Variants in PES1 observed in about 807,000 individuals in gnomAD.
The protein encoded by PES1 is pescadillo ribosomal biogenesis factor 1.
PES1 carries 31 observed loss-of-function variants against 77.1 expected under a neutral mutation model. The ratio of observed to expected loss-of-function variants is 0.40; its 90% CI spans 0.30 to 0.54. The LOEUF (loss-of-function observed/expected upper bound fraction) is 0.54, where lower values mean the gene tolerates loss of function less well. Among genes scored for constraint, PES1 ranks in the 20% least tolerant of loss-of-function variants. The pLI is 0.45. For synonymous variants in PES1, 282 were observed against 303.0 expected, an observed-to-expected ratio of 0.93 and a Z score of 0.72; for missense variants, 658 against 771.7, an observed-to-expected ratio of 0.85 and a Z score of 1.75.
chr22:30,594,383 GGT>G (rs2087225874), upstream of PES1, among the ~76,000 whole-genome samples: 2 of 151,952 alleles, frequency 1.3e-5, no homozygotes, highest in Non-Finnish European at 2.9e-5. Context: ...GTCTGGGCGT[GGT>G]GATGCACACC....
At position 30,584,618 on chromosome 22, in the gene PES1, C is replaced by G; in HGVS notation, c.468G>C (p.Gln156His). The G allele has an allele frequency of 6.2e-7, 1 of 1,613,836 alleles. No homozygotes were observed. Among genetic ancestry groups the G allele is most frequent in the Non-Finnish European group, 8.5e-7 (1 of 1,179,926 alleles). Reference sequence around the variant, plus strand: ...TGAGCCGGCGGCACAGCTGAATGGTCTGCACGTGGCACTTGCCAGTCCGCG... The same window carrying G: ...TGAGCCGGCGGCACAGCTGAATGGTGTGCACGTGGCACTTGCCAGTCCGCG... Reference protein sequence around the residue: ...TFPRTGKCHVQTIQLCRRLTV... With the variant: ...TFPRTGKCHVHTIQLCRRLTV... Residue 156 changes from glutamine (Q) to histidine (H), a missense_variant, in exon 5 of 15, where the codon CAG (glutamine) becomes CAC (histidine). Physicochemically the swap from Gln to His is conservative, Grantham distance 24 (BLOSUM62 0). Coordinates refer to ENST00000354694, the MANE Select transcript of PES1 (RefSeq NM_014303.4).
At chr22:30,602,468 C>T (rs1264378763) in intron 2 of PES1, among the ~76,000 whole-genome samples, 4 of 142,226 alleles carry the variant, frequency 2.8e-5, no homozygotes, top group East Asian at 2.0e-4. Context: ...GAGTTCCACC[C>T]GCCTTGGCCT....
intron 2 of PES1, among the ~76,000 whole-genome samples, chr22:30,602,945 C>T (rs932234220): frequency 2.0e-5 from 3 of 152,094 alleles, no homozygotes; most frequent in Admixed American, 6.6e-5. Flanking sequence ...GAGTCTCGCT[C>T]TGTTGTCCAG....
chr22:30,583,216 C>T (rs2087013516), intron 6 of PES1, among the ~76,000 whole-genome samples: 1 of 152,166 alleles, frequency 6.6e-6, no homozygotes, highest in Non-Finnish European at 1.5e-5. Flanking sequence ...GCCACCCACA[C>T]GTGCCCCAGG....
Position 30,577,066 on chromosome 22 carries a change from T to A in PES1, c.1747A>T (p.Lys583Ter). ...GGCACTCACTCCGGCCTTGCCTTCT[T>A]GGCCTTCTTCTCAGACCTCACCGCC... The part of the protein sequence containing the change: ...DEAVRSEKKA[K>*]KARPE The change falls in exon 15 of 15, where the codon AAG becomes TAG. Residue 583 changes from lysine to a stop codon, truncating the protein, a stop_gained. Coordinates refer to ENST00000354694, the MANE Select transcript of PES1 (RefSeq NM_014303.4). LOFTEE classifies it high-confidence loss of function. 6.2e-7 allele frequency: 1 copy of A among 1,614,008 alleles called. No individual in the cohort carries two copies. Among genetic ancestry groups the A allele is most frequent in the African/African-American group, 1.3e-5 (1 of 75,066 alleles).
upstream of PES1, chr22:30,591,999 C>T (rs978581023): frequency 1.1e-5 from 15 of 1,380,936 alleles, no homozygotes; most frequent in Non-Finnish European, 1.3e-5. Context: ...TGGGGATTTC[C>T]TCCTCAAGAT....
chr22:30,577,764 G>A (rs901090030), intron 14 of PES1, among the ~76,000 whole-genome samples: 1 of 152,024 alleles, frequency 6.6e-6, no homozygotes, highest in African/African-American at 2.4e-5. Context: ...CCAAAGTGCT[G>A]GGATTACAGG....
intron 6 of PES1, among the ~76,000 whole-genome samples, chr22:30,583,787 G>A (rs1473845915): frequency 3.3e-5 from 5 of 152,250 alleles, no homozygotes. Flanking sequence ...AACAATATAT[G>A]TAGGAAACAG....
rs1376504828 is a variant in PES1 at position 30,587,366 on chromosome 22, A to G, written c.288T>C (p.Tyr96=). The G allele has an allele frequency of 1.9e-6, 3 of 1,614,102 alleles. No individual in the cohort carries two copies. Among genetic ancestry groups the G allele is most frequent in the South Asian group, 1.1e-5 (1 of 91,080 alleles). ...CTACAGTGTTCCACTCGCTCTTCCCATAAGCCTTCCGGAGCTTCCGGACGA... is the reference window on the plus strand; with the variant it reads ...CTACAGTGTTCCACTCGCTCTTCCCGTAAGCCTTCCGGAGCTTCCGGACGA... ...KVFVRKLRKA[Y]GKSEWNTVER... The change falls in exon 4 of 15, where the codon TAT becomes TAC. Residue 96 remains tyrosine, a synonymous_variant. Transcript: ENST00000354694.
intron 2 of PES1, chr22:30,601,692 A>C (rs2087356426): frequency 6.6e-6 from 1 of 152,078 alleles, no homozygotes; most frequent in Non-Finnish European, 1.5e-5. Flanking sequence ...CATTGTATAG[A>C]TGTACCGCAA....
intron 2 of PES1, among the ~76,000 whole-genome samples, chr22:30,588,418 A>T (rs762809070): frequency 6.6e-6 from 1 of 152,192 alleles, no homozygotes; most frequent in Non-Finnish European, 1.5e-5. Flanking sequence ...AAAAGGAGAG[A>T]AGCATCCTAA....
chr22:30,577,191 G>T, intron 14 of PES1, 62 bp from the exon 15 acceptor site: 1 of 1,372,928 alleles, frequency 7.3e-7, no homozygotes, highest in Non-Finnish European at 1.0e-6. Flanking sequence ...GGGGGGCACA[G>T]AACTCAAAGC....
chr22:30,590,474 T>G (rs1200950190), intron 1 of PES1, among the ~76,000 whole-genome samples: 1 of 152,212 alleles, frequency 6.6e-6, no homozygotes, highest in Admixed American at 6.5e-5. Context: ...CCTTTAGACA[T>G]TAATTGTCTA....
rs549361615 is a variant in PES1, at chr22:30,590,673, G to C, written c.24+1137C>G. On this transcript the variant is annotated intron_variant, in intron 1 of 14. Transcript: ENST00000354694. ...TGGGGTACTCCCTGGGTATGTGCTG[G>C]GGGGAGGAGAGTTCAGCAATGTTTG... Among the ~76,000 whole-genome samples the C allele has an allele frequency of 1.2e-3, 186 of 152,214 alleles. 1 individual carries two copies. Among genetic ancestry groups the C allele is most frequent in the African/African-American group, 4.0e-3 (165 of 41,514 alleles).
chr22:30,591,840 A>G lies in PES1; in HGVS notation c.-7T>C, dbSNP rs1349812864. ...TCTTCTCAAGGCCTCCCATCGCTCC[A>G]CGTTGAGGAGCCGACTAGGGCCGCG... On this transcript the variant is annotated 5_prime_UTR_variant, in exon 1 of 15. Transcript: ENST00000354694. 1.3e-6 allele frequency: 2 copies of G among 1,554,290 alleles called. No homozygotes were observed. Among genetic ancestry groups the G allele is most frequent in the South Asian group, 1.2e-5 (1 of 84,486 alleles).
intron 1 of PES1, chr22:30,606,661 C>A (rs1467472142): frequency 1.3e-5 from 2 of 155,528 alleles, no homozygotes; most frequent in Non-Finnish European, 2.7e-5. Flanking sequence ...GGCACCCACC[C>A]TCCCCTCAAT....
chr22:30,588,713 G>A (rs1015690184), intron 2 of PES1, among the ~76,000 whole-genome samples: 2 of 152,170 alleles, frequency 1.3e-5, no homozygotes, highest in East Asian at 1.9e-4. Flanking sequence ...AACCTGGGAG[G>A]TGGAGGTTGC....
At chr22:30,577,195 T>C (rs2086914078) in intron 14 of PES1, 66 bp from the exon 15 acceptor site, 5 of 1,322,648 alleles carry the variant, frequency 3.8e-6, no homozygotes, top group Non-Finnish European at 5.5e-6. Context: ...GGCACAGAAC[T>C]CAAAGCTATA....
chr22:30,599,307 T>C (rs2087318392), intron 2 of PES1, among the ~76,000 whole-genome samples: 1 of 54,058 alleles, frequency 1.8e-5, no homozygotes, highest in Non-Finnish European at 4.0e-5. Flanking sequence ...TGGTCAAAGT[T>C]TTTTTACATG....
Sources: allele counts gnomAD v4.1 joint callset (sites outside exome capture counted in the v4.1 genomes callset), GRCh38; gene constraint gnomAD v4.1.1; transcripts MANE v1.5; gene names NCBI Gene and HGNC (gene_info 2026-07-23, HGNC 2026-07-21).